CTNNA2: variants seen among roughly 807,000 people sequenced by gnomAD.
The protein encoded by CTNNA2 is catenin alpha 2.
A neutral mutation model predicts 101.0 loss-of-function variants in CTNNA2; 42 were observed. The ratio of observed to expected loss-of-function variants is 0.42; its 90% CI spans 0.32 to 0.54. The LOEUF is 0.54. CTNNA2 is among the 20% of genes least tolerant of loss of function. The pLI is 0.14. For synonymous variants in CTNNA2, 450 were observed against 456.4 expected (o/e 0.99, Z 0.18); for missense variants, 871 against 1,223.1 (o/e 0.71, Z 4.29).
At chr2:80,226,034 C>T (rs1278130871) in intron 7 of CTNNA2, among the ~76,000 whole-genome samples, 1 of 152,118 alleles carries the variant, frequency 6.6e-6, no homozygotes, top group Non-Finnish European at 1.5e-5. Flanking sequence ...ATTGATCATT[C>T]CCAATATTAA....
chr2:80,248,130 G>A (rs958146137), intron 7 of CTNNA2, among the ~76,000 whole-genome samples: 1 of 151,852 alleles, frequency 6.6e-6, no homozygotes. Context: ...TAACTAATGG[G>A]TGTCCCTGTC....
Position 80,589,537 on chromosome 2 carries a change from T to C in CTNNA2, c.2189+52T>C, listed in dbSNP as rs577301816. Reference sequence around the variant, plus strand: ...GATTTTTTCATTAAACCCAGAAGTGTAGCAGTGTGTATTAGCATGTGAAAG... The same window carrying C: ...GATTTTTTCATTAAACCCAGAAGTGCAGCAGTGTGTATTAGCATGTGAAAG... On this transcript the variant is annotated intron_variant, in intron 15 of 18. Transcript: ENST00000402739. 14 of 1,562,756 alleles carry C rather than the reference T, an allele frequency of 9.0e-6. No homozygotes were observed. The South Asian group carries it at 1.4e-4, about 16-fold the overall frequency.
chr2:79,533,815 A>G (rs1164680966), intron 1 of CTNNA2, among the ~76,000 whole-genome samples: 1 of 152,162 alleles, frequency 6.6e-6, no homozygotes. Flanking sequence ...TAGCCCAAAG[A>G]GGAAACAACA....
At chr2:79,321,095 A>G (rs890325930) in intron 3 of CTNNA2, among the ~76,000 whole-genome samples, 3 of 152,216 alleles carry the variant, frequency 2.0e-5, no homozygotes, top group African/African-American at 4.8e-5. Flanking sequence ...AGTACTTACT[A>G]TTATATTTTC....
chr2:80,401,937 A>G (rs1454037362), intron 8 of CTNNA2, among the ~76,000 whole-genome samples: 2 of 152,136 alleles, frequency 1.3e-5, no homozygotes, highest in East Asian at 1.9e-4. Flanking sequence ...TTCTAACACT[A>G]TCTACCTGGA....
In CTNNA2 at chr2:80,122,002, C is replaced by T. The variant is rs111584641; in HGVS notation, c.1056+212205C>T. Among the ~76,000 whole-genome samples, 387 of 152,242 alleles carry T rather than the reference C, an allele frequency of 2.5e-3. 3 individuals are homozygous for T. Among genetic ancestry groups the T allele is most frequent in the African/African-American group, 8.4e-3 (351 of 41,542 alleles). On this transcript the variant is annotated intron_variant, in intron 7 of 18. Transcript: ENST00000402739. ...ACAGGGAAATTGCCACAGCCTAGCA[C>T]TCAGTTTCCTCGGCTTGGTCACAAA...
chr2:80,068,485 G>A (rs1187628764), intron 7 of CTNNA2, among the ~76,000 whole-genome samples: 1 of 152,206 alleles, frequency 6.6e-6, no homozygotes, highest in Non-Finnish European at 1.5e-5. Context: ...CTTGCACATT[G>A]CATGAATTTT....
At chr2:80,336,254 G>T (rs1043535919) in intron 7 of CTNNA2, among the ~76,000 whole-genome samples, 1 of 152,188 alleles carries the variant, frequency 6.6e-6, no homozygotes, top group Admixed American at 6.5e-5. Context: ...GGTGAAGGGG[G>T]CAAAGCAGCT....
At chr2:79,690,143 A>G (rs769095239) in intron 2 of CTNNA2, among the ~76,000 whole-genome samples, 7 of 151,974 alleles carry the variant, frequency 4.6e-5, no homozygotes, top group Non-Finnish European at 1.0e-4. Flanking sequence ...TACTTATTTC[A>G]TATTAAAATA....
At chr2:79,221,410 A>G (rs77295261) in intron 2 of CTNNA2, among the ~76,000 whole-genome samples, 2,952 of 152,276 alleles carry the variant, frequency 0.019, 144 homozygotes, top group East Asian at 0.16. Flanking sequence ...CGACTTCCCA[A>G]AGTCCTGGGA....
intron 7 of CTNNA2, among the ~76,000 whole-genome samples, chr2:80,338,282 C>T (rs963468929): frequency 6.7e-5 from 10 of 150,370 alleles, no homozygotes; most frequent in African/African-American, 2.5e-4. Flanking sequence ...AGCCTCTGCA[C>T]CTGGCCTTTT....
rs1313284056 is a variant in CTNNA2, at chr2:79,796,509, C to T, written c.298+51927C>T. On this transcript the variant is annotated intron_variant, in intron 3 of 18. Coordinates refer to ENST00000402739, the MANE Select transcript of CTNNA2 (RefSeq NM_001282597.3). Reference sequence around the variant, plus strand: ...ACACATAAACAGAAAAGGAACCCAGCATATACACTTCGTGAGAACTGACTC... The same window carrying T: ...ACACATAAACAGAAAAGGAACCCAGTATATACACTTCGTGAGAACTGACTC... Among the ~76,000 whole-genome samples the T allele has an allele frequency of 2.0e-5, 3 of 152,014 alleles. No homozygotes were observed. The East Asian group carries it at 5.8e-4, about 29-fold the overall frequency.
intron 17 of CTNNA2, among the ~76,000 whole-genome samples, chr2:80,613,157 T>C (rs771782879): frequency 1.3e-5 from 2 of 151,594 alleles, no homozygotes; most frequent in Non-Finnish European, 3.0e-5. Flanking sequence ...CATGATTCCA[T>C]ATTTTCCCCA....
chr2:80,582,032 A>G (rs2149719407), intron 14 of CTNNA2, among the ~76,000 whole-genome samples: 1 of 152,254 alleles, frequency 6.6e-6, no homozygotes, highest in Middle Eastern at 3.4e-3. Context: ...CTCTTTTGCT[A>G]TCACTGGAAA....
At chr2:79,943,422 A>G (rs1688293854) in intron 7 of CTNNA2, among the ~76,000 whole-genome samples, 1 of 152,180 alleles carries the variant, frequency 6.6e-6, no homozygotes, top group Admixed American at 6.5e-5. Flanking sequence ...AAGTCCAGAG[A>G]CAAACATGGT....
At chr2:79,822,295 G>T (rs888821354) in intron 3 of CTNNA2, among the ~76,000 whole-genome samples, 1 of 151,772 alleles carries the variant, frequency 6.6e-6, no homozygotes, top group African/African-American at 2.4e-5. Context: ...AGAGCCTTTT[G>T]TTTCTCAGAA....
chr2:79,935,565 C>G (rs1687729954), intron 7 of CTNNA2, among the ~76,000 whole-genome samples: 1 of 152,092 alleles, frequency 6.6e-6, no homozygotes, highest in African/African-American at 2.4e-5. Context: ...ATGATCAGCC[C>G]AGTCTGGCTC....
intron 7 of CTNNA2, among the ~76,000 whole-genome samples, chr2:80,378,075 G>A (rs957796938): frequency 4.6e-5 from 7 of 152,098 alleles, no homozygotes; most frequent in Non-Finnish European, 1.0e-4. Context: ...AGAGAAGGGG[G>A]CCAGGCGCAG....
intron 7 of CTNNA2, among the ~76,000 whole-genome samples, chr2:79,950,104 C>A (rs1688775337): frequency 6.7e-6 from 1 of 150,308 alleles, no homozygotes; most frequent in African/African-American, 2.4e-5. Flanking sequence ...TACATGTAAG[C>A]ATTAGCATTA....
Sources: gnomAD v4.1 joint callset for allele counts (sites outside exome capture counted in the v4.1 genomes callset) on GRCh38, gnomAD v4.1.1 for gene constraint, MANE v1.5 for transcripts, NCBI Gene and HGNC (gene_info 2026-07-23, HGNC 2026-07-21) for gene names.